The following DLG2 variants were observed in gnomAD, a reference collection of about 807,000 sequenced individuals.
DLG2 encodes the protein disks large homolog 2.
Under a neutral mutation model 132.5 loss-of-function variants are expected in DLG2, and 45 were observed. The ratio of observed to expected loss-of-function variants is 0.34; its 90% CI spans 0.27 to 0.44. The LOEUF (loss-of-function observed/expected upper bound fraction) is 0.44, where lower values mean the gene tolerates loss of function less well. DLG2 is among the 20% of genes least tolerant of loss of function. The pLI, the probability that DLG2 is intolerant of heterozygous loss-of-function variation, is 1.00. For missense variants in DLG2, 1,045 were observed against 1,196.9 expected, an observed-to-expected ratio of 0.87 and a Z score of 1.87; for synonymous variants, 424 against 419.6, an observed-to-expected ratio of 1.01 and a Z score of -0.13.
intron 6 of DLG2, among the ~76,000 whole-genome samples, chr11:85,065,069 C>A (rs1490601566): frequency 1.3e-5 from 2 of 151,506 alleles, no homozygotes; most frequent in East Asian, 1.9e-4. Flanking sequence ...TCTAAAAAGT[C>A]TCCTGGTCTC....
intron 6 of DLG2, among the ~76,000 whole-genome samples, chr11:85,009,439 T>C (rs1471664487): frequency 1.3e-5 from 2 of 152,108 alleles, no homozygotes; most frequent in Non-Finnish European, 2.9e-5. Context: ...AATAAGTTTA[T>C]CAGCAACAGT....
At chr11:84,150,329 C>T (rs759305865) in intron 9 of DLG2, among the ~76,000 whole-genome samples, 14 of 152,006 alleles carry the variant, frequency 9.2e-5, no homozygotes, top group Non-Finnish European at 2.1e-4. Flanking sequence ...ACTACTGTAT[C>T]CTGCTGTAAA....
intron 15 of DLG2, among the ~76,000 whole-genome samples, chr11:83,899,167 G>A (rs1173096117): frequency 1.3e-5 from 2 of 152,006 alleles, no homozygotes; most frequent in African/African-American, 4.8e-5. Flanking sequence ...CTGTTCTGGG[G>A]AAATTAGCCT....
At chr11:85,256,525 A>T (rs2152705906) in intron 4 of DLG2, among the ~76,000 whole-genome samples, 1 of 152,326 alleles carries the variant, frequency 6.6e-6, no homozygotes, top group Non-Finnish European at 1.5e-5. Context: ...GGCAAAGCTA[A>T]AAAAGCACAC....
chr11:83,963,401 A>G (rs1403081292), intron 13 of DLG2, among the ~76,000 whole-genome samples: 1 of 152,014 alleles, frequency 6.6e-6, no homozygotes, highest in African/African-American at 2.4e-5. Flanking sequence ...AATTACTGAG[A>G]GTAAAAGCCT....
At chr11:83,641,638 G>A (rs139171990) in intron 18 of DLG2, among the ~76,000 whole-genome samples, 24 of 152,238 alleles carry the variant, frequency 1.6e-4, no homozygotes, top group Non-Finnish European at 2.8e-4. Flanking sequence ...TCCCAGATAC[G>A]CACTGGAATG....
chr11:84,273,315 A>AG, intron 7 of DLG2: 1 of 1,403,464 alleles, frequency 7.1e-7, no homozygotes, highest in East Asian at 2.8e-5. Context: ...GGAAAAAAAA[A>AG]AAAAAAAAAA....
At chr11:84,834,551 G>A (rs1599242857) in intron 6 of DLG2, among the ~76,000 whole-genome samples, 1 of 151,288 alleles carries the variant, frequency 6.6e-6, no homozygotes, top group East Asian at 2.0e-4. Context: ...AACATATTGT[G>A]AAAAAAATAA....
intron 8 of DLG2, among the ~76,000 whole-genome samples, chr11:84,189,871 A>C (rs1445008224): frequency 6.6e-6 from 1 of 152,082 alleles, no homozygotes; most frequent in African/African-American, 2.4e-5. Context: ...GCTAATGGAC[A>C]CTGGGCTTAA....
At chr11:83,912,578 A>C (rs1361774554) in intron 15 of DLG2, among the ~76,000 whole-genome samples, 1 of 152,126 alleles carries the variant, frequency 6.6e-6, no homozygotes, top group Non-Finnish European at 1.5e-5. Flanking sequence ...TTAGTTTTTT[A>C]AATGAAGCGC....
intron 22 of DLG2, among the ~76,000 whole-genome samples, chr11:83,480,006 C>G (rs769988486): frequency 1.3e-5 from 2 of 151,894 alleles, no homozygotes; most frequent in Non-Finnish European, 2.9e-5. Context: ...AAAACAATAC[C>G]ATGATGATTT....
At chr11:84,825,846 CTTCTT>C (rs1390412368) in intron 6 of DLG2, among the ~76,000 whole-genome samples, 2 of 151,852 alleles carry the variant, frequency 1.3e-5, no homozygotes, top group African/African-American at 4.8e-5. Flanking sequence ...TTTTCTTTCT[CTTCTT>C]TTATTACCCT....
At chr11:85,353,924 G>A (rs370185022) in intron 3 of DLG2, among the ~76,000 whole-genome samples, 7 of 151,318 alleles carry the variant, frequency 4.6e-5, no homozygotes, top group South Asian at 4.2e-4. Flanking sequence ...CCAACATGGC[G>A]CATGTATACA....
At chr11:85,598,007 A>AT (rs918101387) in intron 3 of DLG2, among the ~76,000 whole-genome samples, 74 of 135,284 alleles carry the variant, frequency 5.5e-4, no homozygotes, top group African/African-American at 1.8e-3. Flanking sequence ...AGAGATGTAT[A>AT]TAAAAAAAAA....
chr11:83,752,858 T>C (rs1160083302), intron 18 of DLG2, among the ~76,000 whole-genome samples: 2 of 152,086 alleles, frequency 1.3e-5, no homozygotes, highest in Non-Finnish European at 2.9e-5. Flanking sequence ...AGGAAAGAAA[T>C]TACAGATGCA....
chr11:85,068,959 G>C (rs1160364579), intron 6 of DLG2, among the ~76,000 whole-genome samples: 3 of 152,160 alleles, frequency 2.0e-5, no homozygotes, highest in East Asian at 1.9e-4. Context: ...CAGAGATACA[G>C]AGCAATGGAA....
chr11:83,770,301 T>C (rs1480928949), intron 18 of DLG2, among the ~76,000 whole-genome samples: 3 of 148,440 alleles, frequency 2.0e-5, no homozygotes, highest in Non-Finnish European at 3.0e-5. Context: ...AGTTTCAATG[T>C]AGTCTATAGC....
intron 6 of DLG2, among the ~76,000 whole-genome samples, chr11:84,540,345 G>GAA (rs752804994): frequency 8.6e-6 from 1 of 116,368 alleles, no homozygotes; most frequent in African/African-American, 3.1e-5. Context: ...AAATTTACAA[G>GAA]AAAAAAAAAA....
At chr11:85,096,528 C>T (rs1408085500) in intron 6 of DLG2, among the ~76,000 whole-genome samples, 2 of 150,972 alleles carry the variant, frequency 1.3e-5, no homozygotes, top group African/African-American at 4.9e-5. Flanking sequence ...TCTGAAGGAA[C>T]AAACTCTGGA....
Sources: allele counts gnomAD v4.1 joint callset (sites outside exome capture counted in the v4.1 genomes callset), GRCh38; gene constraint gnomAD v4.1.1; transcripts MANE v1.5; gene names NCBI Gene and HGNC (gene_info 2026-07-23, HGNC 2026-07-21).